Variants in CRPPA observed in about 807,000 individuals in gnomAD.
CRPPA encodes D-ribitol-5-phosphate cytidylyltransferase.
CRPPA carries 43 observed loss-of-function variants against 52.0 expected under a neutral mutation model. The observed-to-expected ratio is 0.83, with a 90% CI of 0.65 to 1.07. The LOEUF (loss-of-function observed/expected upper bound fraction) is 1.07, where lower values mean the gene tolerates loss of function less well. Among genes scored for constraint, CRPPA ranks in the 50% least tolerant of loss-of-function variants. The probability of loss-of-function intolerance (pLI) is 0.00; values close to 1 mark genes in which losing one functional copy is unlikely to be tolerated. For synonymous variants in CRPPA, 250 were observed against 203.5 expected, an observed-to-expected ratio of 1.23 and a Z score of -1.94; for missense variants, 629 against 551.7, an observed-to-expected ratio of 1.14 and a Z score of -1.40.
At chr7:16,205,397 C>T (rs144409842) in intron 9 of CRPPA, among the ~76,000 whole-genome samples, 4 of 152,128 alleles carry the variant, frequency 2.6e-5, no homozygotes, top group Middle Eastern at 3.4e-3. Context: ...GTAAAAAATA[C>T]GAATGAGACT....
intron 3 of CRPPA, among the ~76,000 whole-genome samples, chr7:16,371,183 T>C (rs758105362): frequency 6.6e-6 from 1 of 152,162 alleles, no homozygotes; most frequent in Non-Finnish European, 1.5e-5. Flanking sequence ...CATTGAGTAT[T>C]ACATCTACTC....
intron 8 of CRPPA, among the ~76,000 whole-genome samples, chr7:16,223,212 T>C (rs531932889): frequency 6.6e-6 from 1 of 152,290 alleles, no homozygotes; most frequent in Admixed American, 6.5e-5. Context: ...TAAGGAACAA[T>C]GCCGCTGCTT....
At chr7:16,387,689 C>A (rs1014079794) in intron 2 of CRPPA, among the ~76,000 whole-genome samples, 1 of 152,006 alleles carries the variant, frequency 6.6e-6, no homozygotes, top group African/African-American at 2.4e-5. Flanking sequence ...AATAAACAAT[C>A]CAACAATATT....
intron 2 of CRPPA, among the ~76,000 whole-genome samples, chr7:16,390,505 G>A (rs1461563197): frequency 6.6e-6 from 1 of 152,134 alleles, no homozygotes; most frequent in Non-Finnish European, 1.5e-5. Context: ...GTCTTCTTGA[G>A]TGTTTGTTCA....
intron 3 of CRPPA, among the ~76,000 whole-genome samples, chr7:16,349,000 T>C (rs1786083426): frequency 6.6e-6 from 1 of 152,196 alleles, no homozygotes; most frequent in African/African-American, 2.4e-5. Flanking sequence ...CCAGCAGCTA[T>C]CTCCCTAGTA....
chr7:16,135,013 A>G (rs1782739260), intron 9 of CRPPA, among the ~76,000 whole-genome samples: 1 of 152,212 alleles, frequency 6.6e-6, no homozygotes, highest in African/African-American at 2.4e-5. Flanking sequence ...GGAACACACT[A>G]TATTAAATTC....
At chr7:16,222,822 A>G (rs1782556064) in intron 8 of CRPPA, among the ~76,000 whole-genome samples, 1 of 152,210 alleles carries the variant, frequency 6.6e-6, no homozygotes, top group South Asian at 2.1e-4. Flanking sequence ...TTACTGATAC[A>G]TAATACTTCT....
intron 5 of CRPPA, among the ~76,000 whole-genome samples, chr7:16,278,914 A>C (rs553798936): frequency 1.3e-5 from 2 of 152,326 alleles, no homozygotes; most frequent in Admixed American, 1.3e-4. Flanking sequence ...AGGTACCCTG[A>C]TTCAAGGTAA....
chr7:16,284,635 C>T (rs901324745), intron 5 of CRPPA, among the ~76,000 whole-genome samples: 6 of 152,098 alleles, frequency 3.9e-5, no homozygotes, highest in Admixed American at 1.3e-4. Context: ...TCATATGTGA[C>T]AATGGAATAT....
chr7:16,307,951 G>C (rs954767251), intron 4 of CRPPA, among the ~76,000 whole-genome samples: 9 of 151,054 alleles, frequency 6.0e-5, no homozygotes, highest in African/African-American at 2.2e-4. Flanking sequence ...GATATGGTTT[G>C]GATCTGTGTC....
chr7:16,233,124 A>C (rs939089623), intron 8 of CRPPA, among the ~76,000 whole-genome samples: 2 of 152,068 alleles, frequency 1.3e-5, no homozygotes, highest in African/African-American at 2.4e-5. Context: ...CAGCCATAAA[A>C]ACGATTTTAA....
At chr7:16,231,747 G>A (rs539981048) in intron 8 of CRPPA, among the ~76,000 whole-genome samples, 42 of 152,218 alleles carry the variant, frequency 2.8e-4, no homozygotes, top group Non-Finnish European at 5.1e-4. Context: ...TACCCAAGGG[G>A]GGAGTACTAG....
intron 9 of CRPPA, among the ~76,000 whole-genome samples, chr7:16,141,836 G>A (rs917591474): frequency 6.6e-6 from 1 of 152,118 alleles, no homozygotes; most frequent in African/African-American, 2.4e-5. Flanking sequence ...GAGGCTGGGT[G>A]TCAAGCGCTC....
chr7:16,196,164 G>C (rs1037346145), intron 9 of CRPPA, among the ~76,000 whole-genome samples: 1 of 152,136 alleles, frequency 6.6e-6, no homozygotes, highest in Non-Finnish European at 1.5e-5. Context: ...AAGCTCTTCT[G>C]CTAAAGCCTC....
Position 16,266,788 on chromosome 7 carries a change from T to C in CRPPA, c.934-7776A>G, listed in dbSNP as rs569224410. On this transcript the variant is annotated intron_variant, in intron 6 of 9. Transcript: ENST00000407010. ...GCCACCGTGCCCAGCCCCGTTTTAT[T>C]ATGCATCCAAAGTTGGATAGTATCA... Among the ~76,000 whole-genome samples, 17 of 152,294 alleles carry C rather than the reference T, an allele frequency of 1.1e-4. No individual in the cohort carries two copies. The East Asian group carries it at 2.5e-3, about 22-fold the overall frequency.
chr7:16,191,102 C>T (rs539397914), intron 9 of CRPPA, among the ~76,000 whole-genome samples: 9 of 152,136 alleles, frequency 5.9e-5, no homozygotes, highest in East Asian at 1.9e-4. Flanking sequence ...TAAACATACA[C>T]GTGCAAGTAT....
At chr7:16,214,027 C>T (rs7794107) in intron 9 of CRPPA, among the ~76,000 whole-genome samples, 31,995 of 152,036 alleles carry the variant, frequency 0.21, 3,959 homozygotes, top group South Asian at 0.43. Context: ...CTTTATACTA[C>T]GTATAAATGG....
intron 9 of CRPPA, among the ~76,000 whole-genome samples, chr7:16,207,862 A>C (rs868499815): frequency 3.2e-4 from 49 of 152,208 alleles, no homozygotes; most frequent in African/African-American, 1.1e-3. Flanking sequence ...AATATCAATG[A>C]AGTATATCAG....
chr7:16,315,717 A>G (rs1300805878), intron 3 of CRPPA, among the ~76,000 whole-genome samples: 1 of 148,888 alleles, frequency 6.7e-6, no homozygotes, highest in African/African-American at 2.4e-5. Context: ...AGTAAAACTC[A>G]TAAGACTGTG....
Sources: gnomAD v4.1 joint callset for allele counts (sites outside exome capture counted in the v4.1 genomes callset) on GRCh38, gnomAD v4.1.1 for gene constraint, MANE v1.5 for transcripts, NCBI Gene and HGNC (gene_info 2026-07-23, HGNC 2026-07-21) for gene names.